HNRNPK: variants seen among roughly 807,000 people sequenced by gnomAD.
HNRNPK encodes heterogeneous nuclear ribonucleoprotein K.
HNRNPK carries 7 observed loss-of-function variants against 67.0 expected under a neutral mutation model. The observed-to-expected ratio is 0.10, with a 90% CI of 0.06 to 0.20. The LOEUF (loss-of-function observed/expected upper bound fraction) is 0.20, where lower values mean the gene tolerates loss of function less well. HNRNPK is among the 10% of genes least tolerant of loss of function. The probability of loss-of-function intolerance (pLI) is 1.00; values close to 1 mark genes in which losing one functional copy is unlikely to be tolerated. For synonymous variants in HNRNPK, 213 were observed against 193.7 expected, an observed-to-expected ratio of 1.10 and a Z score of -0.83; for missense variants, 264 against 606.5, an observed-to-expected ratio of 0.44 and a Z score of 5.93.
chr9:83,976,722 T>G (rs924076480), intron 5 of HNRNPK: 1 of 301,272 alleles, frequency 3.3e-6, no homozygotes, highest in Non-Finnish European at 6.1e-6. Flanking sequence ...CTATTTCTAA[T>G]TAAGATGTTA....
Position 83,971,993 on chromosome 9 carries a change from T to C in HNRNPK, c.842A>G (p.Asp281Gly). 6.2e-7 allele frequency: 1 copy of C among 1,613,458 alleles called. No individual in the cohort carries two copies. The highest frequency in any genetic ancestry group is 8.5e-7 in the Non-Finnish European group (1 of 1,179,656). ...RPMPPSRRDY[D>G]DMSPRRGPPP... Reference sequence around the variant, plus strand: ...TGGTCCTCGACGAGGGCTCATATCATCATAATCTCTTCTAGATGGAGGCAT... The same window carrying C: ...TGGTCCTCGACGAGGGCTCATATCACCATAATCTCTTCTAGATGGAGGCAT... The change falls in exon 11 of 17, where the codon GAT (aspartate) becomes GGT (glycine). Residue 281 changes from aspartate to glycine, a missense_variant. Physicochemically the swap from Asp to Gly is moderately conservative, Grantham distance 94. Around this residue, in one of 6 missense-constraint regions of HNRNPK, gnomAD observed 142 missense variants for 256.5 expected, o/e 0.55. Coordinates refer to ENST00000376263, the MANE Select transcript of HNRNPK (RefSeq NM_031263.4).
intron 16 of HNRNPK, chr9:83,969,826 A>T (rs765815825): frequency 3.3e-6 from 2 of 611,356 alleles, no homozygotes; most frequent in Non-Finnish European, 6.4e-6. Flanking sequence ...CAAAATCACT[A>T]GTCTTCCACA....
At chr9:83,974,695 G>T in intron 6 of HNRNPK, 106 bp from the exon 7 acceptor site, 1 of 708,356 alleles carries the variant, frequency 1.4e-6, no homozygotes, top group Non-Finnish European at 2.4e-6. Context: ...TGTAACACAT[G>T]ATTATTTAAT....
chr9:83,978,815 T>G (rs1026943313), intron 1 of HNRNPK, among the ~76,000 whole-genome samples: 2 of 152,216 alleles, frequency 1.3e-5, no homozygotes, highest in South Asian at 2.1e-4. Context: ...AATTTTATAT[T>G]AAAACTTCCA....
chr9:83,968,296 A>G lies in HNRNPK; in HGVS notation c.*1111T>C, dbSNP rs1375038981. The G allele has an allele frequency of 6.6e-6, 1 of 152,208 alleles. No homozygotes were observed. The highest frequency in any genetic ancestry group is 2.4e-5 in the African/African-American group (1 of 41,332). The allele number at this position is 152,208 out of a possible 1,614,324, so 9.4% of individuals were successfully genotyped here. On this transcript the variant is annotated 3_prime_UTR_variant, in exon 17 of 17. Transcript: ENST00000376263. The stretch of plus-strand genomic sequence containing the variant: ...CATCTTTTTTTTTTTTGAATTGTAC[A>G]CAAACATTTCCTACATAATCCAACA...
chr9:83,970,947 T>A (rs1956804082), intron 13 of HNRNPK, 35 bp from the exon 14 acceptor site: 8 of 1,602,584 alleles, frequency 5.0e-6, no homozygotes, highest in Non-Finnish European at 6.8e-6. Flanking sequence ...AAAATTACTT[T>A]GCCGTTGTAA....
At position 83,978,472 on chromosome 9, in the gene HNRNPK, T is replaced by G; in HGVS notation, c.-107-20A>C. 1 of 851,824 alleles carries G rather than the reference T, an allele frequency of 1.2e-6. No homozygotes were observed. The allele number at this position is 851,824 out of a possible 1,614,324, so 52.8% of individuals were successfully genotyped here. On this transcript the variant is annotated intron_variant, in intron 1 of 16. Coordinates refer to ENST00000376263, the MANE Select transcript of HNRNPK (RefSeq NM_031263.4). ...AGTAGCCTATAAGAACCAACACAAA[T>G]CAGTTTTGCTTTTGTTTATTCTTAT...
In HNRNPK at chr9:83,978,256, C is replaced by CT. The variant is rs748131362; in HGVS notation, c.-5dup. On this transcript the variant is annotated 5_prime_UTR_variant, in exon 3 of 17. Coordinates refer to ENST00000376263, the MANE Select transcript of HNRNPK (RefSeq NM_031263.4). ...CTTCTGGCTGTTCAGTTTCCATATT[C>CT]TTTTATTAAACGGGCACACCAATCT... The CT allele has an allele frequency of 1.9e-6, 3 of 1,598,974 alleles. No individual in the cohort carries two copies. Among genetic ancestry groups the CT allele is most frequent in the Admixed American group, 3.4e-5 (2 of 58,754 alleles).
intron 1 of HNRNPK, among the ~76,000 whole-genome samples, chr9:83,979,507 C>T (rs949333468): frequency 6.6e-6 from 1 of 152,248 alleles, no homozygotes; most frequent in African/African-American, 2.4e-5. Flanking sequence ...CGAGCGCCAA[C>T]GCGCCCTCCC....
Position 83,968,576 on chromosome 9 carries a change from T to C in HNRNPK, c.*831A>G, listed in dbSNP as rs1564055603. On this transcript the variant is annotated 3_prime_UTR_variant, in exon 17 of 17. Transcript: ENST00000376263. ...TATACTCATACCATTACTCAACTTG[T>C]AGTACTGCTCCCCACCTTAGTTCTT... is the stretch of plus-strand genomic sequence containing the variant. 1 of 152,578 alleles carries C rather than the reference T, an allele frequency of 6.6e-6. No homozygotes were observed. The highest frequency in any genetic ancestry group is 1.5e-5 in the Non-Finnish European group (1 of 68,038). The allele number at this position is 152,578 out of a possible 1,614,324, so 9.5% of individuals were successfully genotyped here.
At chr9:83,980,403 C>T (rs955234191), upstream of HNRNPK, 3 of 152,712 alleles carry the variant, frequency 2.0e-5, no homozygotes, top group African/African-American at 4.8e-5. Context: ...CCACTAAGGG[C>T]TCGAGAAAAC....
chr9:83,971,233 A>AT (rs1467493062), intron 13 of HNRNPK, 40 bp downstream of exon 13: 3 of 1,303,608 alleles, frequency 2.3e-6, no homozygotes, highest in Non-Finnish European at 3.3e-6. Flanking sequence ...AGCATCTTAA[A>AT]TTATCACTGA....
At chr9:83,971,503 TA>T in intron 12 of HNRNPK, 147 bp from the exon 13 acceptor site, 2 of 807,134 alleles carry the variant, frequency 2.5e-6, no homozygotes, top group Non-Finnish European at 4.2e-6. Context: ...CAAAGCTCAA[TA>T]AAGTCGTAAT....
At chr9:83,979,692 C>T (rs1957277273) in intron 1 of HNRNPK, among the ~76,000 whole-genome samples, 1 of 151,702 alleles carries the variant, frequency 6.6e-6, no homozygotes, top group South Asian at 2.1e-4. Context: ...CCCTCCCCCA[C>T]CCACCACGCG....
At position 83,968,784 on chromosome 9, in the gene HNRNPK, G is replaced by GAGATGCACTTATATGTCC. The variant is rs1249617187; in HGVS notation, c.*605_*622dup. 6.6e-6 allele frequency: 1 copy of GAGATGCACTTATATGTCC among 152,618 alleles called. No individual in the cohort carries two copies. The highest frequency in any genetic ancestry group is 1.5e-5 in the Non-Finnish European group (1 of 68,074). The allele number at this position is 152,618 out of a possible 1,614,324, so 9.5% of individuals were successfully genotyped here. A position where few individuals can be genotyped will look rare whatever the true frequency, so the allele number is the denominator to read the frequency against. On this transcript the variant is annotated 3_prime_UTR_variant, in exon 17 of 17. Transcript: ENST00000376263. The stretch of plus-strand genomic sequence containing the variant: ...AAGTTATTTTGCCTATGTCCAACAA[G>GAGATGCACTTATATGTCC]AGATGCACTTATATGTCCAACAGAG...
At chr9:83,973,465 T>C (rs578050841) in intron 8 of HNRNPK, 66 bp from the exon 9 acceptor site, 4 of 879,482 alleles carry the variant, frequency 4.5e-6, no homozygotes, top group South Asian at 1.3e-5. Flanking sequence ...ACTTATCTGC[T>C]ATAAGCATAA....
chr9:83,971,839 G>C, intron 11 of HNRNPK, 43 bp downstream of exon 11: 1 of 1,563,156 alleles, frequency 6.4e-7, no homozygotes, highest in Non-Finnish European at 8.7e-7. Context: ...ATAATTCATA[G>C]ATGGGGGAAG....
In HNRNPK at chr9:83,977,070, CA is replaced by C; in HGVS notation, c.157-20del. 6.3e-7 allele frequency: 1 copy of C among 1,596,482 alleles called. No individual in the cohort carries two copies. The highest frequency in any genetic ancestry group is 8.6e-7 in the Non-Finnish European group (1 of 1,165,340). On this transcript the variant is annotated intron_variant, in intron 4 of 16. Transcript: ENST00000376263. ...CAGCATTCTGGAGAAGATACAAAGA[CA>C]AAAAATTATTTTGCCTTTCCCTAAA...
intron 6 of HNRNPK, 107 bp from the exon 7 acceptor site, chr9:83,974,696 ATTAT>A: frequency 1.5e-6 from 1 of 687,350 alleles, no homozygotes; most frequent in Middle Eastern, 2.4e-4. Context: ...GTAACACATG[ATTAT>A]TTAATATTCC....
Sources: gnomAD v4.1 joint callset for allele counts (sites outside exome capture counted in the v4.1 genomes callset) on GRCh38, gnomAD v4.1.1 for gene constraint, gnomAD v4.1.1 regional missense constraint, MANE v1.5 for transcripts, NCBI Gene and HGNC (gene_info 2026-07-23, HGNC 2026-07-21) for gene names.